The following PDSS2 variants were observed in gnomAD, a reference collection of about 807,000 sequenced individuals.
PDSS2 encodes decaprenyl diphosphate synthase subunit 2.
A neutral mutation model predicts 44.5 loss-of-function variants in PDSS2; 31 were observed. That is an observed-to-expected ratio of 0.70 (90% CI 0.52 to 0.94). The LOEUF (loss-of-function observed/expected upper bound fraction) is 0.94, where lower values mean the gene tolerates loss of function less well. PDSS2 is among the 40% of genes least tolerant of loss of function. The pLI is 0.00. For missense variants in PDSS2, 452 were observed against 482.2 expected (o/e 0.94, Z 0.59); for synonymous variants, 157 against 180.3 (o/e 0.87, Z 1.03).
intron 1 of PDSS2, among the ~76,000 whole-genome samples, chr6:107,414,214 T>C (rs1021492496): frequency 6.6e-6 from 1 of 152,226 alleles, no homozygotes; most frequent in Non-Finnish European, 1.5e-5. Flanking sequence ...TTAATTTGTT[T>C]CTAAAAGGGT....
At chr6:107,155,472 A>G (rs536433803) in intron 7 of PDSS2, among the ~76,000 whole-genome samples, 6 of 152,090 alleles carry the variant, frequency 3.9e-5, no homozygotes, top group Admixed American at 3.9e-4. Context: ...TTATGTGAGG[A>G]AGGCTTCACT....
At chr6:107,452,720 G>A (rs773760314) in intron 1 of PDSS2, among the ~76,000 whole-genome samples, 1 of 150,822 alleles carries the variant, frequency 6.6e-6, no homozygotes, top group Non-Finnish European at 1.5e-5. Flanking sequence ...AGGCTGGCTT[G>A]CTGTGGCGCA....
chr6:107,278,053 T>G (rs1461753061), intron 2 of PDSS2, among the ~76,000 whole-genome samples: 1 of 150,856 alleles, frequency 6.6e-6, no homozygotes, highest in Non-Finnish European at 1.5e-5. Context: ...AACAGAATGG[T>G]TTAACATCTA....
intron 4 of PDSS2, among the ~76,000 whole-genome samples, chr6:107,226,985 C>CT (rs1175311486): frequency 4.1e-5 from 6 of 146,514 alleles, no homozygotes; most frequent in African/African-American, 2.5e-5. Context: ...CAAACCCAGC[C>CT]TTTTTTTTAA....
At chr6:107,272,610 T>C (rs192794712) in intron 3 of PDSS2, among the ~76,000 whole-genome samples, 107 of 152,320 alleles carry the variant, frequency 7.0e-4, no homozygotes, top group African/African-American at 2.5e-3. Context: ...TATCTTATAA[T>C]CAAACCTAAT....
At chr6:107,425,156 A>C (rs1243029036) in intron 1 of PDSS2, among the ~76,000 whole-genome samples, 5 of 152,192 alleles carry the variant, frequency 3.3e-5, no homozygotes, top group Non-Finnish European at 5.9e-5. Flanking sequence ...AAGTCCATTA[A>C]ACCTCTTTTT....
At chr6:107,276,026 G>A (rs1775768204) in intron 2 of PDSS2, among the ~76,000 whole-genome samples, 1 of 150,684 alleles carries the variant, frequency 6.6e-6, no homozygotes, top group Non-Finnish European at 1.5e-5. Flanking sequence ...AGGCTGAGGT[G>A]GGACATCACC....
At chr6:107,415,781 A>G (rs1001156250) in intron 1 of PDSS2, among the ~76,000 whole-genome samples, 1 of 152,218 alleles carries the variant, frequency 6.6e-6, no homozygotes, top group Non-Finnish European at 1.5e-5. Flanking sequence ...CTGTGGAAGT[A>G]GTGCCACAGG....
In PDSS2 at chr6:107,429,929, T is replaced by A. The variant is rs1362140413; in HGVS notation, c.296+29061A>T. On this transcript the variant is annotated intron_variant, in intron 1 of 7. Transcript: ENST00000369037. ...ATATATATATATATATATATATATA[T>A]ATATATATACACCAAACCCAGAAAG... Among the ~76,000 whole-genome samples, 68 of 104,622 alleles carry A rather than the reference T, an allele frequency of 6.5e-4. 3 individuals are homozygous for A. Among genetic ancestry groups the A allele is most frequent in the African/African-American group, 2.1e-3 (57 of 27,184 alleles). 68.6% of individuals were successfully genotyped at this position (104,622 alleles called of 152,430 possible).
chr6:107,192,437 C>A, intron 7 of PDSS2: 1 of 485,012 alleles, frequency 2.1e-6, no homozygotes, highest in Non-Finnish European at 4.1e-6. Context: ...AAAAAAAATC[C>A]TTAACTGGGG....
chr6:107,175,580 C>T (rs1346916659), intron 7 of PDSS2, among the ~76,000 whole-genome samples: 4 of 152,068 alleles, frequency 2.6e-5, no homozygotes, highest in African/African-American at 7.2e-5. Context: ...AAAATACCTC[C>T]AGTCAAATAG....
chr6:107,334,151 GA>G, intron 2 of PDSS2, 46 bp downstream of exon 2: 1 of 1,559,590 alleles, frequency 6.4e-7, no homozygotes. Flanking sequence ...TCCAGTAAAA[GA>G]AAACACGATG....
chr6:107,280,683 A>C (rs1431622844), intron 2 of PDSS2, among the ~76,000 whole-genome samples: 2 of 151,708 alleles, frequency 1.3e-5, no homozygotes, highest in Non-Finnish European at 2.9e-5. Context: ...ACCCTGTCTC[A>C]ACAAACAAAC....
chr6:107,331,156 CA>C (rs1417338474), intron 2 of PDSS2, among the ~76,000 whole-genome samples: 1 of 152,166 alleles, frequency 6.6e-6, no homozygotes, highest in African/African-American at 2.4e-5. Context: ...ATTATAGATA[CA>C]AGACTCCAGC....
chr6:107,282,069 C>T (rs1775979565), intron 2 of PDSS2, among the ~76,000 whole-genome samples: 1 of 152,192 alleles, frequency 6.6e-6, no homozygotes, highest in South Asian at 2.1e-4. Context: ...CAATACCTGG[C>T]TAATTTTTGT....
chr6:107,339,482 T>C (rs1338473029), intron 1 of PDSS2, among the ~76,000 whole-genome samples: 3 of 152,128 alleles, frequency 2.0e-5, no homozygotes, highest in East Asian at 1.9e-4. Flanking sequence ...ATGGATGCAA[T>C]GGTGAGCAAA....
intron 7 of PDSS2, among the ~76,000 whole-genome samples, chr6:107,173,571 T>TTAA (rs1771673898): frequency 1.5e-4 from 1 of 6,710 alleles, no homozygotes; most frequent in Admixed American, 1.5e-3. Context: ...AGACTCTGTC[T>TTAA]CAAAAAAAAA....
intron 1 of PDSS2, among the ~76,000 whole-genome samples, chr6:107,451,178 C>T (rs1364514810): frequency 6.6e-6 from 1 of 152,134 alleles, no homozygotes; most frequent in African/African-American, 2.4e-5. Context: ...TCCAGAGGGG[C>T]CGAACCATTT....
At chr6:107,384,049 G>A (rs1779532472) in intron 1 of PDSS2, among the ~76,000 whole-genome samples, 1 of 152,186 alleles carries the variant, frequency 6.6e-6, no homozygotes, top group Non-Finnish European at 1.5e-5. Flanking sequence ...TACACAAAAT[G>A]TGGTATATAT....
Sources: allele counts gnomAD v4.1 joint callset (sites outside exome capture counted in the v4.1 genomes callset), GRCh38; gene constraint gnomAD v4.1.1; transcripts MANE v1.5; gene names NCBI Gene and HGNC (gene_info 2026-07-23, HGNC 2026-07-21).